The following LNPEP variants were observed in gnomAD, a reference collection of about 807,000 sequenced individuals.
The protein encoded by LNPEP is leucyl and cystinyl aminopeptidase, also known as leucyl-cystinyl aminopeptidase.
In LNPEP, 64 loss-of-function variants were observed where a neutral mutation model predicts 120.6. That is an observed-to-expected ratio of 0.53 (90% CI 0.43 to 0.65). LNPEP has a LOEUF of 0.65. LNPEP is among the 30% of genes least tolerant of loss of function. LNPEP has a pLI of 0.00. For synonymous variants in LNPEP, 435 were observed against 425.4 expected, an observed-to-expected ratio of 1.02 and a Z score of -0.28; for missense variants, 1,057 against 1,200.0, an observed-to-expected ratio of 0.88 and a Z score of 1.76.
At position 96,979,679 on chromosome 5, in the gene LNPEP, G is replaced by C. The variant is rs201494251; in HGVS notation, c.561G>C (p.Ser187=). 13 of 1,613,886 alleles carry C rather than the reference G, an allele frequency of 8.1e-6. No homozygotes were observed. The highest frequency in any genetic ancestry group is 1.0e-5 in the Non-Finnish European group (12 of 1,179,958). Residue 187 remains serine, a synonymous_variant, in exon 2 of 18, where the codon TCG becomes TCC. Coordinates refer to ENST00000231368, the MANE Select transcript of LNPEP (RefSeq NM_005575.3). ...TCAGCCTACACCCGAACCTAACCTC[G>C]ATGACATTCAGGGGTTCTGTGACAA... ...YELSLHPNLT[S]MTFRGSVTIS...
chr5:96,958,740 T>G (rs562126142), intron 1 of LNPEP: 1 of 152,174 alleles, frequency 6.6e-6, no homozygotes, highest in African/African-American at 2.4e-5. Flanking sequence ...ATTCCTTGGC[T>G]CCTGGCCCTG....
chr5:97,011,283 T>A (rs1790920723), intron 11 of LNPEP: 3 of 753,988 alleles, frequency 4.0e-6, no homozygotes, highest in African/African-American at 1.9e-5. Context: ...TAAGGTACAG[T>A]GGCATGATCA....
At chr5:96,997,625 G>A (rs940443677) in intron 7 of LNPEP, among the ~76,000 whole-genome samples, 10 of 151,944 alleles carry the variant, frequency 6.6e-5, no homozygotes, top group Admixed American at 1.3e-4. Context: ...AGAAATCAGC[G>A]TAAGGACCAG....
intron 1 of LNPEP, among the ~76,000 whole-genome samples, chr5:96,950,122 C>T (rs560513178): frequency 3.3e-4 from 50 of 152,166 alleles, no homozygotes; most frequent in Non-Finnish European, 4.4e-4. Context: ...GAAGACAGTG[C>T]TAAATAGGAA....
At chr5:97,021,933 T>TG (rs199901441) in intron 13 of LNPEP, among the ~76,000 whole-genome samples, 18 of 134,752 alleles carry the variant, frequency 1.3e-4, no homozygotes, top group African/African-American at 4.7e-4. Flanking sequence ...GTTTTTTTTT[T>TG]TTTTTTTTTT....
At chr5:97,001,195 A>G (rs929792833) in intron 8 of LNPEP, among the ~76,000 whole-genome samples, 33 of 152,340 alleles carry the variant, frequency 2.2e-4, no homozygotes, top group Admixed American at 2.0e-3. Flanking sequence ...GTGGCGAGAT[A>G]ATGGTAGCCT....
chr5:97,027,436 G>GT (rs200858376), intron 16 of LNPEP, among the ~76,000 whole-genome samples: 5,716 of 152,212 alleles, frequency 0.038, 185 homozygotes, highest in Middle Eastern at 0.11. Flanking sequence ...GCAGATGTAG[G>GT]TTTTTTGCTT....
chr5:96,959,130 C>G (rs919891500), intron 1 of LNPEP, among the ~76,000 whole-genome samples: 3 of 152,134 alleles, frequency 2.0e-5, no homozygotes, highest in Non-Finnish European at 4.4e-5. Context: ...TTGGGCCGTC[C>G]TGGATAATCT....
At chr5:96,973,855 G>A (rs193295254) in intron 1 of LNPEP, among the ~76,000 whole-genome samples, 2 of 152,198 alleles carry the variant, frequency 1.3e-5, no homozygotes, top group African/African-American at 4.8e-5. Context: ...TGTTAATGTT[G>A]TTTGTCATGG....
At chr5:96,954,020 T>C (rs12054720) in intron 1 of LNPEP, among the ~76,000 whole-genome samples, 15,051 of 152,270 alleles carry the variant, frequency 0.099, 1,246 homozygotes, top group East Asian at 0.43. Flanking sequence ...TGCTAGTGTA[T>C]ACTCTGTATT....
chr5:96,988,592 T>C (rs1490102627), intron 4 of LNPEP, among the ~76,000 whole-genome samples: 1 of 151,968 alleles, frequency 6.6e-6, no homozygotes, highest in African/African-American at 2.4e-5. Context: ...CGCCTCAGCC[T>C]CCCAAAGTGC....
chr5:97,020,178 C>T (rs1313184178), intron 13 of LNPEP, among the ~76,000 whole-genome samples: 1 of 152,070 alleles, frequency 6.6e-6, no homozygotes, highest in South Asian at 2.1e-4. Flanking sequence ...TAAGTCATTG[C>T]TAGGATAATG....
chr5:97,026,249 T>G, intron 15 of LNPEP, among the ~76,000 whole-genome samples: 1 of 152,228 alleles, frequency 6.6e-6, no homozygotes, highest in East Asian at 1.9e-4. Flanking sequence ...TGACCTAGTT[T>G]TTTTTAAGAA....
In LNPEP at chr5:97,026,431, G is replaced by A. The variant is rs139768119; in HGVS notation, c.2724-186G>A. ...ATAGGTAAATGCCTATTTTATTGGT[G>A]AGTTCTTTCTTCATTTAAAAAAAAT... On this transcript the variant is annotated intron_variant, in intron 15 of 17. Coordinates refer to ENST00000231368, the MANE Select transcript of LNPEP (RefSeq NM_005575.3). 1.1e-4 allele frequency among the ~76,000 whole-genome samples: 17 copies of A among 152,100 alleles called. No individual in the cohort carries two copies. The East Asian group carries it at 3.3e-3, about 29-fold the overall frequency.
At chr5:97,013,255 C>T (rs942874084) in intron 11 of LNPEP, among the ~76,000 whole-genome samples, 4 of 152,148 alleles carry the variant, frequency 2.6e-5, no homozygotes, top group Admixed American at 6.6e-5. Context: ...TCCAAGAAAT[C>T]GCTCCTAACT....
intron 1 of LNPEP, among the ~76,000 whole-genome samples, chr5:96,964,726 G>A (rs1043298375): frequency 2.6e-5 from 4 of 152,022 alleles, no homozygotes; most frequent in African/African-American, 7.2e-5. Context: ...ATGTATTGAC[G>A]AGGCATGATT....
At chr5:97,019,990 C>T (rs919184767) in intron 13 of LNPEP, among the ~76,000 whole-genome samples, 1 of 152,172 alleles carries the variant, frequency 6.6e-6, no homozygotes. Flanking sequence ...TACTTCATGT[C>T]CTCCCAGTGA....
intron 11 of LNPEP, chr5:97,010,344 A>T: frequency 1.1e-5 from 11 of 983,202 alleles, no homozygotes; most frequent in Non-Finnish European, 1.3e-5. Flanking sequence ...AAGATATGTC[A>T]TTGGAAGAAA....
chr5:97,018,209 TGTTA>T, intron 13 of LNPEP, among the ~76,000 whole-genome samples: 1 of 152,186 alleles, frequency 6.6e-6, no homozygotes, highest in Non-Finnish European at 1.5e-5. Context: ...TAAAGGGCAA[TGTTA>T]GTTCTGAATA....
Sources: allele counts gnomAD v4.1 joint callset (sites outside exome capture counted in the v4.1 genomes callset), GRCh38; gene constraint gnomAD v4.1.1; transcripts MANE v1.5; gene names NCBI Gene and HGNC (gene_info 2026-07-23, HGNC 2026-07-21).